SEMA6B: variants seen among roughly 807,000 people sequenced by gnomAD.
The protein encoded by SEMA6B is semaphorin-6B.
In SEMA6B, 47 loss-of-function variants were observed where a neutral mutation model predicts 78.6. The observed-to-expected ratio is 0.60, with a 90% CI of 0.47 to 0.76. The LOEUF is 0.76. Among genes scored for constraint, SEMA6B ranks in the 30% least tolerant of loss-of-function variants. SEMA6B has a pLI of 0.00. For missense variants in SEMA6B, 1,213 were observed against 1,269.9 expected (o/e 0.96, Z 0.68); for synonymous variants, 632 against 592.2 (o/e 1.07, Z -0.98).
chr19:4,557,991 C>T (rs775548020), intron 3 of SEMA6B, 35 bp downstream of exon 3: 4 of 1,328,762 alleles, frequency 3.0e-6, no homozygotes, highest in Middle Eastern at 2.0e-4. Context: ...TCATTCTGCT[C>T]GTCACACAGG....
At position 4,548,413 on chromosome 19, in the gene SEMA6B, C is replaced by T. The variant is rs745664571; in HGVS notation, c.1304G>A (p.Gly435Glu). 6.8e-6 allele frequency: 11 copies of T among 1,613,136 alleles called. No individual in the cohort carries two copies. The highest frequency in any genetic ancestry group is 4.5e-5 in the East Asian group (2 of 44,876). The change falls in exon 13 of 17, where the codon GGA becomes GAA. Residue 435 changes from glycine (G) to glutamate (E), a missense_variant. Transcript: ENST00000586582. ...GGTCTGGTTGCCCCAGGGGCCGGCT[C>T]CCACGTCCACAGCCACTCGAGTCAG... ...HQLTRVAVDV[G>E]AGPWGNQTVV...
intron 14 of SEMA6B, among the ~76,000 whole-genome samples, chr19:4,547,472 G>A (rs900511123): frequency 3.3e-5 from 5 of 152,230 alleles, no homozygotes; most frequent in African/African-American, 1.2e-4. Flanking sequence ...TGCAATAACG[G>A]CGGGCAGGAA....
Position 4,543,596 on chromosome 19 carries a change from C to G in SEMA6B, c.*5G>C. On this transcript the variant is annotated 3_prime_UTR_variant, in exon 17 of 17. Transcript: ENST00000586582. Reference sequence around the variant, plus strand: ...GCACTGCCAAGGCATCGGGGGGCCCCCGGCCTAGGGCACGGGGGGCGCAGT... The same window carrying G: ...GCACTGCCAAGGCATCGGGGGGCCCGCGGCCTAGGGCACGGGGGGCGCAGT... The G allele has an allele frequency of 8.1e-7, 1 of 1,231,678 alleles. No homozygotes were observed. Among genetic ancestry groups the G allele is most frequent in the East Asian group, 3.1e-5 (1 of 32,322 alleles). The allele number at this position is 1,231,678 out of a possible 1,614,324, so 76.3% of individuals were successfully genotyped here.
At position 4,543,664 on chromosome 19, in the gene SEMA6B, G is replaced by C. The variant is rs766365263; in HGVS notation, c.2604C>G (p.Gly868=). ...AGGGGAGGAGGTGGGCCAAGTCTGT[G>C]CCCGGCCGGGCGTGGCAGCCGCGGT... ...DRHRGCHARP[G]TDLAHLLPYG... The change falls in exon 17 of 17, where the codon GGC becomes GGG. Residue 868 remains glycine, a synonymous_variant. Coordinates refer to ENST00000586582, the MANE Select transcript of SEMA6B (RefSeq NM_032108.4). The C allele has an allele frequency of 5.7e-6, 7 of 1,231,056 alleles. No individual in the cohort carries two copies. In the African/African-American group the frequency reaches 1.1e-4, roughly 19 times the overall value. 76.3% of individuals were successfully genotyped at this position (1,231,056 alleles called of 1,614,324 possible).
intron 12 of SEMA6B, among the ~76,000 whole-genome samples, chr19:4,548,784 C>T (rs1341156618): frequency 6.6e-6 from 1 of 152,214 alleles, no homozygotes; most frequent in Non-Finnish European, 1.5e-5. Context: ...TCTCTTGCCT[C>T]AGCCTCCTGA....
In SEMA6B at chr19:4,542,905, G is replaced by T. The variant is rs770246647; in HGVS notation, c.*696C>A. 12 of 684,406 alleles carry T rather than the reference G, an allele frequency of 1.8e-5. No homozygotes were observed. Among genetic ancestry groups the T allele is most frequent in the South Asian group, 8.9e-5 (6 of 67,404 alleles). 42.4% of individuals were successfully genotyped at this position (684,406 alleles called of 1,614,324 possible). On this transcript the variant is annotated 3_prime_UTR_variant, in exon 17 of 17. Coordinates refer to ENST00000586582, the MANE Select transcript of SEMA6B (RefSeq NM_032108.4). Reference sequence around the variant, plus strand: ...TTGTCCCCGCTTCCCTCTGCAGAGTGGGGGGGGTTCAAACTCCTAACCGGC... The same window carrying T: ...TTGTCCCCGCTTCCCTCTGCAGAGTTGGGGGGGTTCAAACTCCTAACCGGC...
intron 9 of SEMA6B, among the ~76,000 whole-genome samples, chr19:4,553,299 T>A (rs892137703): frequency 3.3e-5 from 5 of 151,358 alleles, no homozygotes; most frequent in African/African-American, 1.2e-4. Context: ...AGTGGATGAA[T>A]GAATGGATGG....
At position 4,543,008 on chromosome 19, in the gene SEMA6B, C is replaced by T; in HGVS notation, c.*593G>A. Reference sequence around the variant, plus strand: ...CCCAGGCCGCTGGGGCCACCACGATCGTCGCTCGTGGACACACACCCTGCA... The same window carrying T: ...CCCAGGCCGCTGGGGCCACCACGATTGTCGCTCGTGGACACACACCCTGCA... On this transcript the variant is annotated 3_prime_UTR_variant, in exon 17 of 17. Transcript: ENST00000586582. 2 of 693,530 alleles carry T rather than the reference C, an allele frequency of 2.9e-6. No homozygotes were observed. The highest frequency in any genetic ancestry group is 2.7e-5 in the East Asian group (1 of 37,068). The allele number at this position is 693,530 out of a possible 1,614,324, so 43.0% of individuals were successfully genotyped here.
chr19:4,548,566 A>G lies in SEMA6B; in HGVS notation c.1272-121T>C, dbSNP rs892408703. 4.5e-6 allele frequency: 4 copies of G among 892,120 alleles called. No individual in the cohort carries two copies. The African/African-American group carries it at 5.0e-5, about 11-fold the overall frequency. 55.3% of individuals were successfully genotyped at this position (892,120 alleles called of 1,614,324 possible). A position where few individuals can be genotyped will look rare whatever the true frequency, so the allele number is the denominator to read the frequency against. On this transcript the variant is annotated intron_variant, in intron 12 of 16. Transcript: ENST00000586582. ...TGACACACCAACACATGTGACAGCA[A>G]TAAATGCGTGTGTGCATGGATGCCG...
rs945451920 is a variant in SEMA6B, at chr19:4,544,234, C to T, written c.2034G>A (p.Glu678=). The change falls in exon 17 of 17, where the codon GAG becomes GAA. Residue 678 remains glutamate (E), a synonymous_variant. Transcript: ENST00000586582. The surrounding 1 kb of genome is among the most constrained non-coding windows in gnomAD (Gnocchi z 5.1). ...GGGGGAGVPP[E]ALLAPLMQNG... ...TCTGCATCAGGGGCGCCAGCAGGGCCTCCGGGGGAACCCCGGCGCCACCGC... is the reference window on the plus strand; with the variant it reads ...TCTGCATCAGGGGCGCCAGCAGGGCTTCCGGGGGAACCCCGGCGCCACCGC... 6 of 1,277,120 alleles carry T rather than the reference C, an allele frequency of 4.7e-6. No homozygotes were observed. In the African/African-American group the frequency reaches 9.4e-5, roughly 20 times the overall value. The allele number at this position is 1,277,120 out of a possible 1,614,324, so 79.1% of individuals were successfully genotyped here.
In SEMA6B at chr19:4,546,423, C is replaced by G; in HGVS notation, c.1648G>C (p.Gly550Arg). The G allele has an allele frequency of 6.3e-7, 1 of 1,580,682 alleles. No individual in the cohort carries two copies. Among genetic ancestry groups the G allele is most frequent in the Non-Finnish European group, 8.6e-7 (1 of 1,162,706 alleles). ...QDPYCGWAPD[G>R]SCIFLSPGTR... ...CCCGGGCTGAGGAAGATGCAGGAGC[C>G]GTCGGGGGCCCACCCGCAGTAGGGG... Residue 550 changes from glycine (G) to arginine (R), a missense_variant, in exon 15 of 17, where the codon GGC becomes CGC. Transcript: ENST00000586582.
At chr19:4,557,080 G>C in intron 4 of SEMA6B, 67 bp from the exon 5 acceptor site, 2 of 1,593,564 alleles carry the variant, frequency 1.3e-6, no homozygotes, top group Admixed American at 3.4e-5. Context: ...CCGCCGTGCT[G>C]GGCCGAATCC....
intron 16 of SEMA6B, 115 bp downstream of exon 16, chr19:4,546,101 G>A: frequency 9.1e-7 from 1 of 1,101,314 alleles, no homozygotes; most frequent in South Asian, 1.6e-5. Flanking sequence ...TTCTCTGATG[G>A]AGTCCAGTTT....
chr19:4,555,885 C>CTGGA lies in SEMA6B; in HGVS notation c.471+99_471+102dup. 1.1e-6 allele frequency: 1 copy of CTGGA among 931,382 alleles called. No individual in the cohort carries two copies. Among genetic ancestry groups the CTGGA allele is most frequent in the South Asian group, 1.3e-5 (1 of 74,582 alleles). 57.7% of individuals were successfully genotyped at this position (931,382 alleles called of 1,614,324 possible). On this transcript the variant is annotated intron_variant, in intron 6 of 16. Coordinates refer to ENST00000586582, the MANE Select transcript of SEMA6B (RefSeq NM_032108.4). The surrounding 1 kb of genome is among the most constrained non-coding windows in gnomAD (Gnocchi z 6.1). ...GGGAGAGTATATCCAGGAAGGCTTC[C>CTGGA]TGGAGGAGGTGACACGGCCTGGGGA... is the stretch of plus-strand genomic sequence containing the variant.
At position 4,558,010 on chromosome 19, in the gene SEMA6B, C is replaced by T. The variant is rs761575019; in HGVS notation, c.245+16G>A. 7.2e-7 allele frequency: 1 copy of T among 1,386,482 alleles called. No homozygotes were observed. The allele number at this position is 1,386,482 out of a possible 1,614,324, so 85.9% of individuals were successfully genotyped here. Reference sequence around the variant, plus strand: ...TCTGCTCGTCACACAGGCCTCCTTGCTGTCCCCAGCAATACCTGTCCCCAA... The same window carrying T: ...TCTGCTCGTCACACAGGCCTCCTTGTTGTCCCCAGCAATACCTGTCCCCAA... On this transcript the variant is annotated intron_variant, in intron 3 of 16. Transcript: ENST00000586582. This position sits in a 1 kb window ranked among gnomAD's most constrained non-coding sequence, Gnocchi z 5.1.
At position 4,555,576 on chromosome 19, in the gene SEMA6B, A is replaced by ATGGGGCC. The variant is rs1977446880; in HGVS notation, c.472-19_472-13dup. On this transcript the variant is annotated splice_polypyrimidine_tract_variant and intron_variant, in intron 6 of 16. Coordinates refer to ENST00000586582, the MANE Select transcript of SEMA6B (RefSeq NM_032108.4). The surrounding 1 kb of genome is among the most constrained non-coding windows in gnomAD (Gnocchi z 6.1). ...TGCAGGGTGTCTATCTGCAGGGACC[A>ATGGGGCC]TGGGGCCTGAGTGACAGATCTCCTG... The ATGGGGCC allele has an allele frequency of 6.2e-7, 1 of 1,609,934 alleles. No individual in the cohort carries two copies. The highest frequency in any genetic ancestry group is 1.7e-5 in the Admixed American group (1 of 59,798).
rs1437102498 is a variant in SEMA6B, at chr19:4,552,105, C to T, written c.989+317G>A. Among the ~76,000 whole-genome samples the T allele has an allele frequency of 2.6e-5, 4 of 152,170 alleles. No individual in the cohort carries two copies. Among genetic ancestry groups the T allele is most frequent in the Admixed American group, 2.6e-4 (4 of 15,278 alleles). ...CTCAGGACCTTTGCACATGCTGTTTCTCCAACTTTGAACACCCTTCCCTCT... is the reference window on the plus strand; with the variant it reads ...CTCAGGACCTTTGCACATGCTGTTTTTCCAACTTTGAACACCCTTCCCTCT... On this transcript the variant is annotated intron_variant, in intron 10 of 16. Coordinates refer to ENST00000586582, the MANE Select transcript of SEMA6B (RefSeq NM_032108.4). This position sits in a 1 kb window ranked among gnomAD's most constrained non-coding sequence, Gnocchi z 7.4.
In SEMA6B at chr19:4,550,116, G is replaced by T; in HGVS notation, c.1271+7C>A. Reference sequence around the variant, plus strand: ...CCCTCGCCATGCCCTGCCTCTCCAGGACCGACCTCATCAGGGTCCGCAGGA... The same window carrying T: ...CCCTCGCCATGCCCTGCCTCTCCAGTACCGACCTCATCAGGGTCCGCAGGA... On this transcript the variant is annotated splice_region_variant and intron_variant, in intron 12 of 16. Transcript: ENST00000586582. The surrounding 1 kb of genome is among the most constrained non-coding windows in gnomAD (Gnocchi z 6.6). 6.2e-7 allele frequency: 1 copy of T among 1,613,474 alleles called. No individual in the cohort carries two copies. Among genetic ancestry groups the T allele is most frequent in the South Asian group, 1.1e-5 (1 of 91,054 alleles).
Position 4,543,917 on chromosome 19 carries a change from T to C in SEMA6B, c.2351A>G (p.His784Arg), listed in dbSNP as rs865809789. ...LYAARPGRAS[H>R]GDFPLTPHAS... ...GTGGGGGGTGAGCGGGAAGTCGCCG[T>C]GGGAGGCGCGGCCGGGCCGGGCAGC... Residue 784 changes from histidine (H) to arginine (R), a missense_variant, in exon 17 of 17, where the codon CAC becomes CGC. Physicochemically the swap from His to Arg is conservative, Grantham distance 29. Coordinates refer to ENST00000586582, the MANE Select transcript of SEMA6B (RefSeq NM_032108.4). 11 of 1,198,426 alleles carry C rather than the reference T, an allele frequency of 9.2e-6. No homozygotes were observed. The highest frequency in any genetic ancestry group is 8.3e-6 in the Non-Finnish European group (8 of 968,072). The allele number at this position is 1,198,426 out of a possible 1,614,324, so 74.2% of individuals were successfully genotyped here. A position where few individuals can be genotyped will look rare whatever the true frequency, so the allele number is the denominator to read the frequency against.
Sources: allele counts gnomAD v4.1 joint callset (sites outside exome capture counted in the v4.1 genomes callset), GRCh38; gene constraint gnomAD v4.1.1; non-coding constraint Gnocchi (gnomAD v3.1); transcripts MANE v1.5; gene names NCBI Gene and HGNC (gene_info 2026-07-23, HGNC 2026-07-21).